The following GRM8 variants were observed in gnomAD, a reference collection of about 807,000 sequenced individuals.
GRM8 encodes the protein metabotropic glutamate receptor 8.
GRM8 carries 47 observed loss-of-function variants against 87.2 expected under a neutral mutation model. That is an observed-to-expected ratio of 0.54 (90% confidence interval 0.43 to 0.69). GRM8 has a LOEUF of 0.69. Ranked by LOEUF, GRM8 falls within the 30% of genes least tolerant of loss-of-function variation. GRM8 has a pLI of 0.00. For missense variants in GRM8, 1,019 were observed against 1,139.2 expected, an observed-to-expected ratio of 0.89 and a Z score of 1.52; for synonymous variants, 396 against 404.5, an observed-to-expected ratio of 0.98 and a Z score of 0.25.
chr7:126,629,926 A>T lies in GRM8; in HGVS notation c.1358-20428T>A, dbSNP rs1801090084. Among the ~76,000 whole-genome samples the T allele has an allele frequency of 2.0e-5, 3 of 152,182 alleles. No homozygotes were observed. The South Asian group carries it at 6.2e-4, about 31-fold the overall frequency. ...TAATCCTTTCAGAAGCTGGCCTATC[A>T]AACTGATGAAAACAATAATTATTAG... is the stretch of plus-strand genomic sequence containing the variant. On this transcript the variant is annotated intron_variant, in intron 7 of 10. Transcript: ENST00000339582.
intron 7 of GRM8, among the ~76,000 whole-genome samples, chr7:126,746,501 C>A (rs1369608381): frequency 9.9e-5 from 15 of 151,550 alleles, no homozygotes; most frequent in Non-Finnish European, 4.4e-5. Flanking sequence ...TAACAAAAAG[C>A]AAAATTTAAA....
intron 2 of GRM8, among the ~76,000 whole-genome samples, chr7:127,166,483 G>A (rs2116277921): frequency 6.6e-6 from 1 of 152,260 alleles, no homozygotes; most frequent in African/African-American, 2.4e-5. Flanking sequence ...TACAAAATCA[G>A]CCAGGTTTTC....
intron 6 of GRM8, among the ~76,000 whole-genome samples, chr7:126,812,531 G>A (rs957379682): frequency 3.3e-5 from 5 of 151,952 alleles, no homozygotes; most frequent in Non-Finnish European, 5.9e-5. Context: ...AATGAAGTCC[G>A]TCATTGACCA....
At chr7:126,547,555 A>G (rs953373631) in intron 8 of GRM8, among the ~76,000 whole-genome samples, 13 of 151,960 alleles carry the variant, frequency 8.6e-5, no homozygotes, top group Non-Finnish European at 1.6e-4. Flanking sequence ...TGAAGACTCA[A>G]TAGAATAATT....
chr7:126,770,860 T>C (rs1818768225), intron 6 of GRM8, among the ~76,000 whole-genome samples: 1 of 151,986 alleles, frequency 6.6e-6, no homozygotes, highest in Non-Finnish European at 1.5e-5. Context: ...AGATTATAAT[T>C]ACATGGGGTA....
At chr7:126,780,108 C>A (rs1377261595) in intron 6 of GRM8, among the ~76,000 whole-genome samples, 1 of 152,158 alleles carries the variant, frequency 6.6e-6, no homozygotes, top group Non-Finnish European at 1.5e-5. Context: ...GAGATTACAA[C>A]AGAAAGTTAA....
chr7:127,064,636 T>G (rs987337993), intron 3 of GRM8, among the ~76,000 whole-genome samples: 7 of 152,116 alleles, frequency 4.6e-5, no homozygotes, highest in African/African-American at 1.7e-4. Flanking sequence ...CTGACAAAGG[T>G]CTAATATCCC....
chr7:126,860,388 T>C (rs1046563204), intron 6 of GRM8, among the ~76,000 whole-genome samples: 1 of 152,120 alleles, frequency 6.6e-6, no homozygotes, highest in Non-Finnish European at 1.5e-5. Flanking sequence ...TAATAGACTA[T>C]TGGTGGTGAG....
chr7:127,172,345 C>T (rs114372655), intron 2 of GRM8, among the ~76,000 whole-genome samples: 777 of 152,098 alleles, frequency 5.1e-3, no homozygotes, highest in African/African-American at 0.018. Flanking sequence ...CTTTTATGTA[C>T]ATAACATTTT....
intron 3 of GRM8, among the ~76,000 whole-genome samples, chr7:127,015,356 T>G (rs927917275): frequency 3.3e-5 from 5 of 151,966 alleles, no homozygotes; most frequent in Non-Finnish European, 5.9e-5. Flanking sequence ...TCCTATTACA[T>G]CACATAGACC....
chr7:126,542,230 G>A (rs1206591914), intron 8 of GRM8, among the ~76,000 whole-genome samples: 1 of 152,142 alleles, frequency 6.6e-6, no homozygotes, highest in African/African-American at 2.4e-5. Flanking sequence ...ACTAATTTAG[G>A]CTCTAAAGGG....
intron 2 of GRM8, among the ~76,000 whole-genome samples, chr7:127,136,042 AAT>A (rs1339149275): frequency 6.6e-6 from 1 of 152,168 alleles, no homozygotes; most frequent in Admixed American, 6.5e-5. Context: ...AAGAGCACTG[AAT>A]TCTGAACTAA....
intron 9 of GRM8, among the ~76,000 whole-genome samples, chr7:126,474,455 G>T (rs1207658599): frequency 2.0e-5 from 3 of 152,122 alleles, no homozygotes; most frequent in African/African-American, 4.8e-5. Flanking sequence ...TTTTTGTAGA[G>T]ATGAGGTTTC....
At chr7:126,720,578 A>G (rs995885370) in intron 7 of GRM8, among the ~76,000 whole-genome samples, 6 of 152,178 alleles carry the variant, frequency 3.9e-5, no homozygotes, top group Non-Finnish European at 7.3e-5. Flanking sequence ...TCATTTGAAA[A>G]GGATGACACA....
At chr7:126,860,930 T>C (rs1020301089) in intron 6 of GRM8, among the ~76,000 whole-genome samples, 7 of 152,196 alleles carry the variant, frequency 4.6e-5, no homozygotes, top group African/African-American at 1.4e-4. Context: ...AACTTATAAA[T>C]AATGAAGAAT....
chr7:126,443,719 T>A (rs1175163283), intron 10 of GRM8, among the ~76,000 whole-genome samples: 1 of 152,002 alleles, frequency 6.6e-6, no homozygotes, highest in East Asian at 1.9e-4. Flanking sequence ...TCCAGAATAT[T>A]ATAGGCTTAC....
intron 9 of GRM8, among the ~76,000 whole-genome samples, chr7:126,503,464 C>G (rs1809943089): frequency 6.6e-6 from 1 of 152,026 alleles, no homozygotes; most frequent in African/African-American, 2.4e-5. Context: ...GAGCACAGGA[C>G]TAGAAGGCTA....
At chr7:126,641,604 T>C (rs1331199786) in intron 7 of GRM8, among the ~76,000 whole-genome samples, 1 of 152,204 alleles carries the variant, frequency 6.6e-6, no homozygotes, top group Non-Finnish European at 1.5e-5. Context: ...GAAGCTTTCT[T>C]ACATTATTCC....
intron 7 of GRM8, among the ~76,000 whole-genome samples, chr7:126,614,192 G>A (rs6962351): frequency 0.32 from 48,636 of 151,936 alleles, 8,410 homozygotes; most frequent in East Asian, 0.43. Context: ...CCAGAGGAAC[G>A]GTCAGGCAGC....
Sources: allele counts gnomAD v4.1 joint callset (sites outside exome capture counted in the v4.1 genomes callset), GRCh38; gene constraint gnomAD v4.1.1; transcripts MANE v1.5; gene names NCBI Gene and HGNC (gene_info 2026-07-23, HGNC 2026-07-21).